KAT2B: variants seen among roughly 807,000 people sequenced by gnomAD.
The protein encoded by KAT2B is lysine acetyltransferase 2B.
A neutral mutation model predicts 105.9 loss-of-function variants in KAT2B; 36 were observed. The observed-to-expected ratio is 0.34, with a 90% CI of 0.26 to 0.45. The LOEUF (loss-of-function observed/expected upper bound fraction) is 0.45. Among genes scored for constraint, KAT2B ranks in the 20% least tolerant of loss-of-function variants. KAT2B has a pLI of 1.00. For synonymous variants in KAT2B, 397 were observed against 377.9 expected, an observed-to-expected ratio of 1.05 and a Z score of -0.59; for missense variants, 820 against 1,021.6, an observed-to-expected ratio of 0.80 and a Z score of 2.69.
intron 13 of KAT2B, among the ~76,000 whole-genome samples, chr3:20,143,267 G>A (rs1699724979): frequency 6.6e-6 from 1 of 152,104 alleles, no homozygotes; most frequent in African/African-American, 2.4e-5. Flanking sequence ...GGGAGGTGAA[G>A]TTAATACACT....
chr3:20,098,285 G>C (rs11712709), intron 3 of KAT2B, among the ~76,000 whole-genome samples: 22,975 of 151,468 alleles, frequency 0.15, 2,092 homozygotes, highest in Middle Eastern at 0.22. Flanking sequence ...CCAATGGAAA[G>C]CTGCGTCCTA....
At chr3:20,111,810 C>T (rs771849982) in intron 6 of KAT2B, 23 bp downstream of exon 6, 16 of 1,591,670 alleles carry the variant, frequency 1.0e-5, no homozygotes, top group Non-Finnish European at 1.4e-5. Context: ...TTTTGCTGGT[C>T]TTTGTTTGAT....
chr3:20,143,086 T>C (rs992270051), intron 13 of KAT2B, among the ~76,000 whole-genome samples: 1 of 152,098 alleles, frequency 6.6e-6, no homozygotes, highest in Admixed American at 6.5e-5. Flanking sequence ...GGGTGATGTA[T>C]TGGAGATGGG....
chr3:20,140,495 T>A (rs951524223), intron 13 of KAT2B, 131 bp downstream of exon 13: 1 of 847,200 alleles, frequency 1.2e-6, no homozygotes, highest in Non-Finnish European at 1.8e-6. Flanking sequence ...GTTATCTAGA[T>A]TTCTTCTCTC....
chr3:20,120,365 TTAC>T (rs763450728), intron 8 of KAT2B, among the ~76,000 whole-genome samples: 2 of 152,110 alleles, frequency 1.3e-5, no homozygotes, highest in Non-Finnish European at 2.9e-5. Flanking sequence ...GTAGCTGGGA[TTAC>T]AGGTGCCCAC....
intron 5 of KAT2B, among the ~76,000 whole-genome samples, chr3:20,102,812 A>C (rs569552595): frequency 6.6e-6 from 1 of 152,168 alleles, no homozygotes; most frequent in Admixed American, 6.6e-5. Flanking sequence ...TCAAGCTTGC[A>C]TTAGGGAGCT....
chr3:20,087,062 GAGCC>G (rs1174808957), intron 2 of KAT2B, among the ~76,000 whole-genome samples: 1 of 152,210 alleles, frequency 6.6e-6, no homozygotes, highest in Admixed American at 6.5e-5. Flanking sequence ...TAACAGGCGT[GAGCC>G]ACTGCGCCTG....
At chr3:20,090,948 C>A (rs1698707545) in intron 2 of KAT2B, among the ~76,000 whole-genome samples, 1 of 152,040 alleles carries the variant, frequency 6.6e-6, no homozygotes, top group Admixed American at 6.6e-5. Flanking sequence ...AACAGGGTCT[C>A]ACTATGTTGT....
chr3:20,049,661 A>G (rs919220176), intron 1 of KAT2B, among the ~76,000 whole-genome samples: 1 of 151,888 alleles, frequency 6.6e-6, no homozygotes, highest in African/African-American at 2.4e-5. Flanking sequence ...ATTGAGAGGT[A>G]TGTTCAAAGG....
At chr3:20,083,555 C>T (rs964541492) in intron 2 of KAT2B, among the ~76,000 whole-genome samples, 2 of 152,146 alleles carry the variant, frequency 1.3e-5, no homozygotes, top group African/African-American at 4.8e-5. Context: ...TTCTGGTCAG[C>T]ATCCCCAAAG....
At chr3:20,090,527 C>A (rs1698698086) in intron 2 of KAT2B, among the ~76,000 whole-genome samples, 1 of 152,176 alleles carries the variant, frequency 6.6e-6, no homozygotes, top group African/African-American at 2.4e-5. Flanking sequence ...ATCCTTGCAT[C>A]CCTGGGATTA....
chr3:20,133,221 G>C (rs1559328368), intron 11 of KAT2B, among the ~76,000 whole-genome samples: 1 of 152,100 alleles, frequency 6.6e-6, no homozygotes, highest in Non-Finnish European at 1.5e-5. Context: ...AGGTGACTGT[G>C]TGTTTTGTTG....
At chr3:20,149,985 C>T (rs748159042) in intron 17 of KAT2B, among the ~76,000 whole-genome samples, 16 of 152,254 alleles carry the variant, frequency 1.1e-4, no homozygotes, top group Admixed American at 2.0e-4. Flanking sequence ...ACTCTGATGA[C>T]GTGCAGCGAT....
chr3:20,066,101 C>T (rs888369057), intron 1 of KAT2B, among the ~76,000 whole-genome samples: 3 of 152,026 alleles, frequency 2.0e-5, no homozygotes, highest in Non-Finnish European at 4.4e-5. Flanking sequence ...AGGGAAGAAT[C>T]TTTCCTTGCC....
intron 1 of KAT2B, among the ~76,000 whole-genome samples, chr3:20,061,989 A>ATATATTATATATAAAACATAAT (rs1248635159): frequency 1.7e-5 from 1 of 57,554 alleles, no homozygotes; most frequent in Non-Finnish European, 2.9e-5. Flanking sequence ...TAAAACATAT[A>ATATATTATATATAAAACATAAT]ATATATAAAA....
chr3:20,040,553 C>T lies in KAT2B; in HGVS notation c.76C>T (p.Pro26Ser), dbSNP rs1037034135. The stretch of plus-strand genomic sequence containing the variant: ...GGCAGGGGCCGGGCCCGGGGCGCTG[C>T]CCCCGCAGCCTGCGGCGCTTCCGCC... ...AGAGAGPGAL[P>S]PQPAALPPAP... is the part of the protein sequence containing the mutation. Residue 26 changes from proline (P) to serine (S), a missense_variant, in exon 1 of 18, where the codon CCC (proline) becomes TCC (serine). Coordinates refer to ENST00000263754, the MANE Select transcript of KAT2B (RefSeq NM_003884.5). The T allele has an allele frequency of 1.9e-6, 2 of 1,037,574 alleles. No homozygotes were observed. The highest frequency in any genetic ancestry group is 2.3e-6 in the Non-Finnish European group (2 of 860,592). The allele number at this position is 1,037,574 out of a possible 1,614,324, so 64.3% of individuals were successfully genotyped here. A position where few individuals can be genotyped will look rare whatever the true frequency, so the allele number is the denominator to read the frequency against.
chr3:20,114,785 T>G, intron 6 of KAT2B, 97 bp from the exon 7 acceptor site: 1 of 662,430 alleles, frequency 1.5e-6, no homozygotes, highest in Non-Finnish European at 2.7e-6. Context: ...ATTGAAGGTT[T>G]GAGACGCTGA....
At chr3:20,139,367 G>A (rs1699659941) in intron 12 of KAT2B, among the ~76,000 whole-genome samples, 1 of 152,098 alleles carries the variant, frequency 6.6e-6, no homozygotes, top group African/African-American at 2.4e-5. Flanking sequence ...TAATTGGATT[G>A]TTTCACTGAG....
chr3:20,047,075 C>T (rs547889504), intron 1 of KAT2B, among the ~76,000 whole-genome samples: 66 of 146,874 alleles, frequency 4.5e-4, no homozygotes, highest in Non-Finnish European at 6.8e-4. Context: ...TTTGTTTTGC[C>T]CCCCCCTTTT....
Sources: allele counts gnomAD v4.1 joint callset (sites outside exome capture counted in the v4.1 genomes callset), GRCh38; gene constraint gnomAD v4.1.1; transcripts MANE v1.5; gene names NCBI Gene and HGNC (gene_info 2026-07-23, HGNC 2026-07-21).